Variants in CCDC32 observed in about 807,000 individuals in gnomAD.
The protein encoded by CCDC32 is coiled-coil domain-containing protein 32.
Under a neutral mutation model 20.1 loss-of-function variants are expected in CCDC32, and 9 were observed. The observed-to-expected ratio is 0.45, with a 90% CI of 0.27 to 0.78. The LOEUF is 0.78. Ranked by LOEUF, CCDC32 falls within the 30% of genes least tolerant of loss-of-function variation. The pLI is 0.16. For missense variants in CCDC32, 204 were observed against 215.5 expected (o/e 0.95, Z 0.33); for synonymous variants, 63 against 79.0 (o/e 0.80, Z 1.07).
At chr15:40,526,420 CATTATT>C (rs1894901355), downstream of CCDC32, among the ~76,000 whole-genome samples, 1 of 152,160 alleles carries the variant, frequency 6.6e-6, no homozygotes, top group African/African-American at 2.4e-5. Context: ...TGATCTCCAT[CATTATT>C]ATTGACAGTC....
In CCDC32 at chr15:40,541,813, C is replaced by T. The variant is rs529524106; in HGVS notation, c.402-2458G>A. Among the ~76,000 whole-genome samples, 84 of 152,356 alleles carry T rather than the reference C, an allele frequency of 5.5e-4. No individual in the cohort carries two copies. In the South Asian group the frequency reaches 5.6e-3, roughly 10 times the overall value. ...TACACGTTCAGAGAACATAAAACAG[C>T]ACAAGAGCGACCTTTTTGTGATCTT... On this transcript the variant is annotated intron_variant, in intron 3 of 3. Transcript: ENST00000558113.
At position 40,553,512 on chromosome 15, in the gene CCDC32, G is replaced by A. The variant is rs1244145212; in HGVS notation, c.*459C>T. The A allele has an allele frequency of 4.1e-6, 4 of 987,268 alleles. No homozygotes were observed. Among genetic ancestry groups the A allele is most frequent in the African/African-American group, 3.5e-5 (2 of 57,262 alleles). 61.2% of individuals were successfully genotyped at this position (987,268 alleles called of 1,614,324 possible). A position where few individuals can be genotyped will look rare whatever the true frequency, so the allele number is the denominator to read the frequency against. ...CTTCACTCTTACTGGCCCCACTCAC[G>A]TGACAATTCACCAAGGGAATGCTTG... is the stretch of plus-strand genomic sequence containing the variant. On this transcript the variant is annotated 3_prime_UTR_variant, in exon 4 of 4. Coordinates refer to ENST00000416810, the MANE Select transcript of CCDC32 (RefSeq NM_001080792.4).
At position 40,553,568 on chromosome 15, in the gene CCDC32, A is replaced by G. The variant is rs896257073; in HGVS notation, c.*403T>C. ...CAAGCATGAATGTCCGGAAGAGGCA[A>G]GAAAATATATGGCTCACTTAACTTA... On this transcript the variant is annotated 3_prime_UTR_variant, in exon 4 of 4. Coordinates refer to ENST00000416810, the MANE Select transcript of CCDC32 (RefSeq NM_001080792.4). 6 of 993,454 alleles carry G rather than the reference A, an allele frequency of 6.0e-6. No individual in the cohort carries two copies. The highest frequency in any genetic ancestry group is 7.2e-6 in the Non-Finnish European group (6 of 835,186). The allele number at this position is 993,454 out of a possible 1,614,324, so 61.5% of individuals were successfully genotyped here.
downstream of CCDC32, chr15:40,528,577 A>G (rs1172394239): frequency 5.0e-6 from 3 of 596,488 alleles, no homozygotes; most frequent in South Asian, 4.1e-5. Context: ...CAAAGAGTCC[A>G]GGGCCCTCAA....
exon 4 of CCDC32, chr15:40,528,765 T>G: frequency 1.4e-6 from 1 of 701,030 alleles, no homozygotes; most frequent in Non-Finnish European, 2.6e-6. Context: ...CCAAAGCCCT[T>G]AGCACAGATC....
intron 3 of CCDC32, among the ~76,000 whole-genome samples, chr15:40,539,877 CA>C (rs1566979600): frequency 3.3e-5 from 5 of 151,808 alleles, no homozygotes; most frequent in South Asian, 2.1e-4. Context: ...CACACACACA[CA>C]CACCCCGCTC....
intron 3 of CCDC32, among the ~76,000 whole-genome samples, chr15:40,540,316 C>T (rs1234289021): frequency 6.6e-6 from 1 of 151,888 alleles, no homozygotes; most frequent in East Asian, 1.9e-4. Context: ...GGAGGCTTCT[C>T]AGGGTCTTTG....
chr15:40,534,906 T>C (rs1005095330), downstream of CCDC32: 10 of 702,370 alleles, frequency 1.4e-5, no homozygotes, highest in African/African-American at 1.7e-4. Flanking sequence ...GGGCTCAGAA[T>C]GGTCTTGGAG....
chr15:40,557,263 C>A lies in CCDC32; in HGVS notation c.354G>T (p.Glu118Asp). The A allele has an allele frequency of 6.2e-7, 1 of 1,614,200 alleles. No individual in the cohort carries two copies. Among genetic ancestry groups the A allele is most frequent in the Non-Finnish European group, 8.5e-7 (1 of 1,180,024 alleles). Residue 118 changes from glutamate to aspartate, a missense_variant, in exon 3 of 4, where the codon GAG (glutamate) becomes GAT (aspartate). Glu to Asp is a conservative substitution (Grantham distance 45). Transcript: ENST00000416810. ...CCACAAAGAACTCTGAAGCTAACTTCTCCTGGAGGAACCGATCCCAGCATT... is the reference window on the plus strand; with the variant it reads ...CCACAAAGAACTCTGAAGCTAACTTATCCTGGAGGAACCGATCCCAGCATT... ...KKECWDRFLQEKLASEFFVDG... is the reference protein window; with the variant it reads ...KKECWDRFLQDKLASEFFVDG...
In CCDC32 at chr15:40,529,417, G is replaced by A. The variant is rs74812134; in HGVS notation, c.402-627C>T. ...GGTTATGTGTTTATTCTTAGGAAAT[G>A]CGTTTATATGCAGAGAGAAAAAGCA... is the stretch of plus-strand genomic sequence containing the variant. On this transcript the variant is annotated intron_variant, in intron 3 of 3. Coordinates refer to the CCDC32 transcript ENST00000560305. Among the ~76,000 whole-genome samples the A allele has an allele frequency of 2.5e-3, 375 of 152,328 alleles. 2 individuals are homozygous for A. The East Asian group carries it at 0.025, about 10-fold the overall frequency.
Position 40,554,124 on chromosome 15 carries a change from G to A in CCDC32, c.405C>T (p.Thr135=), listed in dbSNP as rs1206708165. The change falls in exon 4 of 4, where the codon ACC becomes ACT. Residue 135 remains threonine, a synonymous_variant. Coordinates refer to ENST00000416810, the MANE Select transcript of CCDC32 (RefSeq NM_001080792.4). The part of the protein sequence containing the change: ...FVDGLDSDES[T]LEHFKRWLQP... ...GGAGCCACCTCTTGAAATGTTCCAA[G>A]GTGCTATGAAAGGGCAGAATAAAAG... 6.2e-7 allele frequency: 1 copy of A among 1,613,012 alleles called. No individual in the cohort carries two copies. The highest frequency in any genetic ancestry group is 1.7e-5 in the Admixed American group (1 of 59,950).
intron 3 of CCDC32, chr15:40,528,802 A>G (rs1362741433): frequency 2.9e-6 from 2 of 698,376 alleles, no homozygotes; most frequent in African/African-American, 1.8e-5. Flanking sequence ...TATTAAAAAA[A>G]AGAGAAGAAA....
the CCDC32 span, among the ~76,000 whole-genome samples, chr15:40,523,061 T>C: frequency 2.0e-5 from 3 of 151,244 alleles, no homozygotes; most frequent in East Asian, 1.9e-4. Context: ...CTCCTGAACT[T>C]ACCTAAGGTC....
downstream of CCDC32, among the ~76,000 whole-genome samples, chr15:40,551,760 C>T (rs1031265514): frequency 2.1e-4 from 30 of 143,426 alleles, no homozygotes; most frequent in African/African-American, 7.2e-4. Flanking sequence ...TGAGCTGAGA[C>T]CGTGCCACTG....
intron 1 of CCDC32, 117 bp downstream of exon 1, chr15:40,564,859 G>A (rs1566987609): frequency 6.3e-7 from 1 of 1,579,312 alleles, no homozygotes; most frequent in African/African-American, 1.3e-5. Flanking sequence ...AGTCGCTCAG[G>A]TCTCTAGGGC....
chr15:40,561,480 A>AAAAC (rs1566986021), intron 2 of CCDC32, among the ~76,000 whole-genome samples: 1 of 151,462 alleles, frequency 6.6e-6, no homozygotes, highest in East Asian at 1.9e-4. Context: ...CTCAAAAAAA[A>AAAAC]AAAACAAAAC....
chr15:40,549,471 G>A (rs1200932910), downstream of CCDC32, among the ~76,000 whole-genome samples: 1 of 151,922 alleles, frequency 6.6e-6, no homozygotes, highest in Non-Finnish European at 1.5e-5. Flanking sequence ...CCCCTAACAC[G>A]GCCTCTCTCC....
chr15:40,527,773 A>G (rs1442950198), downstream of CCDC32, among the ~76,000 whole-genome samples: 1 of 152,228 alleles, frequency 6.6e-6, no homozygotes, highest in African/African-American at 2.4e-5. Context: ...GGGACGCTGA[A>G]GAGAGTTCCC....
downstream of CCDC32, among the ~76,000 whole-genome samples, chr15:40,550,655 G>C (rs1447420278): frequency 1.3e-5 from 2 of 152,102 alleles, no homozygotes; most frequent in African/African-American, 4.8e-5. Context: ...CCTTTTTTTA[G>C]AGCCATTGTT....
Sources: gnomAD v4.1 joint callset for allele counts (sites outside exome capture counted in the v4.1 genomes callset) on GRCh38, gnomAD v4.1.1 for gene constraint, MANE v1.5 for transcripts, NCBI Gene and HGNC (gene_info 2026-07-23, HGNC 2026-07-21) for gene names.